WDFY4: variants seen among roughly 807,000 people sequenced by gnomAD.
WDFY4 encodes the protein WDFY family member 4, also known as WD repeat- and FYVE domain-containing protein 4.
Under a neutral mutation model 351.9 loss-of-function variants are expected in WDFY4, and 169 were observed. The ratio of observed to expected loss-of-function variants is 0.48; its 90% CI spans 0.42 to 0.55. The LOEUF (loss-of-function observed/expected upper bound fraction) is 0.55. WDFY4 is among the 20% of genes least tolerant of loss of function. WDFY4 has a pLI of 0.00. For missense variants in WDFY4, 3,803 were observed against 3,935.6 expected (o/e 0.97, Z 0.90); for synonymous variants, 1,622 against 1,574.6 (o/e 1.03, Z -0.71).
intron 2 of WDFY4, among the ~76,000 whole-genome samples, chr10:48,717,767 A>G (rs546641702): frequency 3.0e-4 from 45 of 152,366 alleles, no homozygotes; most frequent in Non-Finnish European, 5.3e-4. Context: ...ATAGTATCCT[A>G]TTATATAAAT....
At chr10:48,780,759 A>G (rs1047837782) in intron 19 of WDFY4, among the ~76,000 whole-genome samples, 6 of 152,196 alleles carry the variant, frequency 3.9e-5, no homozygotes, top group Admixed American at 2.0e-4. Context: ...CATAGAAGGC[A>G]GGTAGGGCTG....
chr10:48,947,559 T>A (rs932752303), intron 51 of WDFY4, among the ~76,000 whole-genome samples: 5 of 152,248 alleles, frequency 3.3e-5, no homozygotes, highest in African/African-American at 4.8e-5. Context: ...AAATTTAAGT[T>A]TAGCTGGGCC....
intron 1 of WDFY4, among the ~76,000 whole-genome samples, chr10:48,696,649 C>G (rs2063339390): frequency 1.3e-5 from 2 of 152,242 alleles, no homozygotes; most frequent in Non-Finnish European, 2.9e-5. Flanking sequence ...ACTAGGGCAG[C>G]TGACTCAGAC....
In WDFY4 at chr10:48,974,922, C is replaced by T. The variant is rs2131856880; in HGVS notation, c.8989C>T (p.Leu2997=). 1 of 1,551,636 alleles carries T rather than the reference C, an allele frequency of 6.4e-7. No individual in the cohort carries two copies. Residue 2997 remains leucine (L), a synonymous_variant, in exon 58 of 62, where the codon CTG becomes TTG. Coordinates refer to ENST00000325239, the MANE Select transcript of WDFY4 (RefSeq NM_001394531.1). ...GGCAGCGTCAGTCACCTTCAGCCTC[C>T]TGGTGAGCGGCTCCCAGGACTGCAC... ...CLAASVTFSL[L]VSGSQDCTCI... is the part of the protein sequence containing the mutation.
intron 16 of WDFY4, 115 bp from the exon 17 acceptor site, chr10:48,777,304 G>A (rs1003979801): frequency 4.0e-6 from 4 of 1,004,236 alleles, no homozygotes; most frequent in Non-Finnish European, 6.1e-6. Context: ...GGTCTAAGGA[G>A]GGTTACAGTG....
chr10:48,913,560 T>C (rs749781449), intron 47 of WDFY4: 19 of 1,613,550 alleles, frequency 1.2e-5, no homozygotes, highest in Non-Finnish European at 1.4e-5. Flanking sequence ...CTCCACAACA[T>C]ACAAGTTCTC....
Position 48,881,327 on chromosome 10 carries a change from G to C in WDFY4, c.7167+4128G>C, listed in dbSNP as rs568526794. ...TAAGACTGAGGCTCCTGTGAGGCAA[G>C]GAACTGTGTGTCTTGGGGAAATGCT... On this transcript the variant is annotated intron_variant, in intron 43 of 61. Coordinates refer to ENST00000325239, the MANE Select transcript of WDFY4 (RefSeq NM_001394531.1). Among the ~76,000 whole-genome samples the C allele has an allele frequency of 3.9e-5, 6 of 152,356 alleles. No homozygotes were observed. The South Asian group carries it at 1.2e-3, about 32-fold the overall frequency.
chr10:48,729,370 A>G, intron 7 of WDFY4, 62 bp from the exon 8 acceptor site: 2 of 1,535,520 alleles, frequency 1.3e-6, no homozygotes, highest in Non-Finnish European at 1.8e-6. Context: ...TGAGAGCACC[A>G]TGCACGCATG....
chr10:48,898,589 C>T (rs1460045651), intron 45 of WDFY4, among the ~76,000 whole-genome samples: 1 of 152,192 alleles, frequency 6.6e-6, no homozygotes. Context: ...CACTATCATT[C>T]TCTGAAACTG....
chr10:48,924,620 A>G (rs1000082851), intron 47 of WDFY4, among the ~76,000 whole-genome samples: 1 of 152,170 alleles, frequency 6.6e-6, no homozygotes, highest in African/African-American at 2.4e-5. Context: ...GTTCTTGTAC[A>G]ATTTTTTTTT....
rs544182096 is a variant in WDFY4 at position 48,817,096 on chromosome 10, C to T, written c.5341-149C>T. 13 of 921,838 alleles carry T rather than the reference C, an allele frequency of 1.4e-5. No homozygotes were observed. The East Asian group carries it at 3.5e-4, about 25-fold the overall frequency. 57.1% of individuals were successfully genotyped at this position (921,838 alleles called of 1,614,324 possible). A position where few individuals can be genotyped will look rare whatever the true frequency, so the allele number is the denominator to read the frequency against. On this transcript the variant is annotated intron_variant, in intron 31 of 61. Transcript: ENST00000325239. ...TATTAAACCCTTCCTCAATTGGACA[C>T]TAGTGTCTGGTGCTAATCTGCAGTC...
intron 45 of WDFY4, 49 bp downstream of exon 45, chr10:48,897,623 CATGGGACAGGTG>C: frequency 6.5e-7 from 1 of 1,530,746 alleles, no homozygotes. Flanking sequence ...GAGGCAGGGC[CATGGGACAGGTG>C]GTCCAGGAGC....
intron 32 of WDFY4, among the ~76,000 whole-genome samples, chr10:48,818,096 AAAG>A (rs1481869879): frequency 1.3e-5 from 2 of 152,204 alleles, no homozygotes; most frequent in African/African-American, 4.8e-5. Flanking sequence ...GGTGAGGACT[AAAG>A]AAGAAGGTCA....
At chr10:48,916,555 T>C (rs2133539865) in intron 47 of WDFY4, among the ~76,000 whole-genome samples, 1 of 152,284 alleles carries the variant, frequency 6.6e-6, no homozygotes, top group South Asian at 2.1e-4. Context: ...CACTTGGCTC[T>C]AGAGGCAGAA....
intron 23 of WDFY4, among the ~76,000 whole-genome samples, chr10:48,794,314 T>C (rs1004290037): frequency 2.0e-5 from 3 of 152,112 alleles, no homozygotes; most frequent in African/African-American, 7.2e-5. Flanking sequence ...TCTCAGGATC[T>C]GTGAGCAGCC....
intron 47 of WDFY4, among the ~76,000 whole-genome samples, chr10:48,931,755 C>T (rs182190459): frequency 6.6e-6 from 1 of 152,348 alleles, no homozygotes; most frequent in Admixed American, 6.5e-5. Flanking sequence ...ATTTCCTTTT[C>T]CTCCTGGAAT....
At chr10:48,817,721 A>G (rs1043453386) in intron 32 of WDFY4, among the ~76,000 whole-genome samples, 1 of 152,244 alleles carries the variant, frequency 6.6e-6, no homozygotes, top group African/African-American at 2.4e-5. Flanking sequence ...AGTGACTCCC[A>G]TTCCAGGAAG....
At chr10:48,695,854 C>T (rs1227944038) in intron 1 of WDFY4, among the ~76,000 whole-genome samples, 1 of 152,106 alleles carries the variant, frequency 6.6e-6, no homozygotes, top group Non-Finnish European at 1.5e-5. Flanking sequence ...GAAGTAGGTA[C>T]ACATACCGAG....
chr10:48,719,909 T>C, intron 2 of WDFY4, 102 bp from the exon 3 acceptor site: 5 of 1,047,914 alleles, frequency 4.8e-6, no homozygotes. Context: ...GGAAAGGAAG[T>C]CGAGCTGTCA....
Sources: gnomAD v4.1 joint callset for allele counts (sites outside exome capture counted in the v4.1 genomes callset) on GRCh38, gnomAD v4.1.1 for gene constraint, MANE v1.5 for transcripts, NCBI Gene and HGNC (gene_info 2026-07-23, HGNC 2026-07-21) for gene names.